Variants in PIEZO2 observed in about 807,000 individuals in gnomAD.
PIEZO2 encodes piezo type mechanosensitive ion channel component 2.
PIEZO2 carries 172 observed loss-of-function variants against 337.3 expected under a neutral mutation model. The ratio of observed to expected loss-of-function variants is 0.51; its 90% CI spans 0.45 to 0.58. The LOEUF (loss-of-function observed/expected upper bound fraction) is 0.58. PIEZO2 is among the 20% of genes least tolerant of loss of function. The pLI is 0.00. For missense variants in PIEZO2, 3,028 were observed against 3,391.3 expected (o/e 0.89, Z 2.66); for synonymous variants, 1,251 against 1,228.5 (o/e 1.02, Z -0.38).
intron 27 of PIEZO2, among the ~76,000 whole-genome samples, chr18:10,757,071 T>C (rs2074676333): frequency 2.3e-5 from 3 of 133,078 alleles, no homozygotes; most frequent in African/African-American, 9.3e-5. Context: ...GGTTGAAGGA[T>C]GAAAGATGAG....
chr18:10,710,413 C>T (rs1173837782), intron 39 of PIEZO2, among the ~76,000 whole-genome samples: 1 of 152,232 alleles, frequency 6.6e-6, no homozygotes, highest in Non-Finnish European at 1.5e-5. Flanking sequence ...CAGGAACACA[C>T]AGCAACCCCT....
At chr18:10,752,007 G>A (rs1000628601) in intron 28 of PIEZO2, among the ~76,000 whole-genome samples, 12 of 152,244 alleles carry the variant, frequency 7.9e-5, no homozygotes, top group Admixed American at 3.9e-4. Flanking sequence ...GTTGTGGGGG[G>A]GGAGGGTCCC....
intron 1 of PIEZO2, among the ~76,000 whole-genome samples, chr18:11,136,991 T>C (rs952700751): frequency 6.6e-6 from 1 of 152,190 alleles, no homozygotes; most frequent in African/African-American, 2.4e-5. Context: ...GCATGTCTAG[T>C]AATAAGCTAT....
Position 11,070,358 on chromosome 18 carries a change from T to C in PIEZO2, c.65-4136A>G, listed in dbSNP as rs774036740. On this transcript the variant is annotated intron_variant, in intron 1 of 55. Transcript: ENST00000674853. The surrounding 1 kb of genome is among the most constrained non-coding windows in gnomAD (Gnocchi z 4.3). ...CCTGCTCGGTGACTATCAAGGGGCATGGAGATCAAGCCCTGAACAGAGATG... is the reference window on the plus strand; with the variant it reads ...CCTGCTCGGTGACTATCAAGGGGCACGGAGATCAAGCCCTGAACAGAGATG... Among the ~76,000 whole-genome samples the C allele has an allele frequency of 2.0e-5, 3 of 152,000 alleles. No individual in the cohort carries two copies. The highest frequency in any genetic ancestry group is 4.4e-5 in the Non-Finnish European group (3 of 68,008).
At chr18:10,994,854 G>T (rs1749431647) in intron 2 of PIEZO2, among the ~76,000 whole-genome samples, 1 of 151,800 alleles carries the variant, frequency 6.6e-6, no homozygotes, top group Non-Finnish European at 1.5e-5. Flanking sequence ...GGCCAAAGCG[G>T]GCGGATCACC....
At chr18:10,684,202 G>A (rs1336594715) in intron 49 of PIEZO2, among the ~76,000 whole-genome samples, 2 of 100,870 alleles carry the variant, frequency 2.0e-5, no homozygotes, top group African/African-American at 7.9e-5. Flanking sequence ...GTCTTGCTCT[G>A]TCGCCCAGGC....
At position 10,739,051 on chromosome 18, in the gene PIEZO2, G is replaced by A. The variant is rs1043351066; in HGVS notation, c.4708+1980C>T. 5.3e-5 allele frequency: 8 copies of A among 152,272 alleles called. No homozygotes were observed. In the South Asian group the frequency reaches 1.7e-3, roughly 32 times the overall value. 9.4% of individuals were successfully genotyped at this position (152,272 alleles called of 1,614,324 possible). Reference sequence around the variant, plus strand: ...TAAGAAATAGCTGTTTGAAAGCCCAGTTACTCAAAAGATCAAATTAAGGGC... The same window carrying A: ...TAAGAAATAGCTGTTTGAAAGCCCAATTACTCAAAAGATCAAATTAAGGGC... On this transcript the variant is annotated intron_variant, in intron 33 of 55. Coordinates refer to ENST00000674853, the MANE Select transcript of PIEZO2 (RefSeq NM_001378183.1).
intron 1 of PIEZO2, among the ~76,000 whole-genome samples, chr18:11,091,151 C>T (rs1214641120): frequency 6.6e-6 from 1 of 151,324 alleles, no homozygotes; most frequent in Admixed American, 6.6e-5. Context: ...CTTGGGAGGC[C>T]AAGGTGGGCG....
chr18:10,858,053 G>A (rs1321529883), intron 5 of PIEZO2, among the ~76,000 whole-genome samples: 1 of 148,468 alleles, frequency 6.7e-6, no homozygotes, highest in Non-Finnish European at 1.5e-5. Flanking sequence ...TGGGTGCGGT[G>A]GCTGACTCCT....
At chr18:11,108,576 T>C (rs1219630487) in intron 1 of PIEZO2, among the ~76,000 whole-genome samples, 4 of 122,798 alleles carry the variant, frequency 3.3e-5, no homozygotes, top group Admixed American at 2.3e-4. Flanking sequence ...ATCGCACCAC[T>C]GCACTCCAGC....
chr18:11,036,168 G>C (rs1034512819), intron 2 of PIEZO2, among the ~76,000 whole-genome samples: 2 of 152,156 alleles, frequency 1.3e-5, no homozygotes, highest in African/African-American at 4.8e-5. Context: ...TTCCTAAATT[G>C]TATCTTATGC....
intron 2 of PIEZO2, among the ~76,000 whole-genome samples, chr18:11,045,063 A>G (rs1249428671): frequency 6.6e-6 from 1 of 152,014 alleles, no homozygotes; most frequent in Non-Finnish European, 1.5e-5. Context: ...TGGGAGGCCA[A>G]AGTGGGCGGA....
chr18:10,819,743 G>GA lies in PIEZO2; in HGVS notation c.918-12470dup, dbSNP rs1186947355. 6.6e-6 allele frequency among the ~76,000 whole-genome samples: 1 copy of GA among 152,124 alleles called. No homozygotes were observed. Among genetic ancestry groups the GA allele is most frequent in the Non-Finnish European group, 1.5e-5 (1 of 68,018 alleles). ...CTTCACAAAACTTCATACAGAGATA[G>GA]AAAAAAGGTGAATCTCATTTCAAGA... On this transcript the variant is annotated intron_variant, in intron 7 of 55. Coordinates refer to ENST00000674853, the MANE Select transcript of PIEZO2 (RefSeq NM_001378183.1). The surrounding 1 kb of genome is among the most constrained non-coding windows in gnomAD (Gnocchi z 4.3).
intron 33 of PIEZO2, chr18:10,739,823 C>T (rs1203549478): frequency 6.6e-6 from 1 of 152,038 alleles, no homozygotes; most frequent in Admixed American, 6.6e-5. Context: ...AATTTGATTA[C>T]ATCCAGATAT....
At chr18:10,871,795 A>G (rs910837896) in intron 4 of PIEZO2, among the ~76,000 whole-genome samples, 3 of 152,236 alleles carry the variant, frequency 2.0e-5, no homozygotes, top group Admixed American at 2.0e-4. Flanking sequence ...TACTTTTGAT[A>G]TAAGTCAAAG....
At chr18:11,135,064 T>C (rs1338880839) in intron 1 of PIEZO2, among the ~76,000 whole-genome samples, 1 of 152,076 alleles carries the variant, frequency 6.6e-6, no homozygotes, top group East Asian at 1.9e-4. Context: ...TTTTTTTTCT[T>C]ATGTTTCTAT....
At chr18:11,007,181 T>C (rs1341281303) in intron 2 of PIEZO2, among the ~76,000 whole-genome samples, 3 of 152,230 alleles carry the variant, frequency 2.0e-5, no homozygotes, top group African/African-American at 7.2e-5. Context: ...GATGAAAATG[T>C]GTGCTGAGAT....
At chr18:11,013,175 T>C (rs1386437228) in intron 2 of PIEZO2, among the ~76,000 whole-genome samples, 1 of 152,232 alleles carries the variant, frequency 6.6e-6, no homozygotes, top group Non-Finnish European at 1.5e-5. Flanking sequence ...AAGTTCATTA[T>C]GTTGAGATTG....
At chr18:10,897,841 T>C (rs1016250969) in intron 4 of PIEZO2, among the ~76,000 whole-genome samples, 1 of 152,240 alleles carries the variant, frequency 6.6e-6, no homozygotes. Context: ...TGTAATACAA[T>C]AATTTACATA....
Sources: allele counts gnomAD v4.1 joint callset (sites outside exome capture counted in the v4.1 genomes callset), GRCh38; gene constraint gnomAD v4.1.1; non-coding constraint Gnocchi (gnomAD v3.1); transcripts MANE v1.5; gene names NCBI Gene and HGNC (gene_info 2026-07-23, HGNC 2026-07-21).